TIGAR: variants seen among roughly 807,000 people sequenced by gnomAD.
TIGAR encodes the protein TP53 induced glycolysis regulatory phosphatase, also known as fructose-2,6-bisphosphatase TIGAR.
In TIGAR, 7 loss-of-function variants were observed where a neutral mutation model predicts 17.9. That is an observed-to-expected ratio of 0.39 (90% confidence interval 0.22 to 0.73). The LOEUF (loss-of-function observed/expected upper bound fraction) is 0.73. Among genes scored for constraint, TIGAR ranks in the 30% least tolerant of loss-of-function variants. The pLI, the probability that TIGAR is intolerant of heterozygous loss-of-function variation, is 0.42. For synonymous variants in TIGAR, 94 were observed against 108.6 expected (o/e 0.87, Z 0.84); for missense variants, 258 against 327.4 (o/e 0.79, Z 1.64).
chr12:4,350,776 C>CAA (rs745374518), intron 4 of TIGAR, among the ~76,000 whole-genome samples: 1,027 of 89,222 alleles, frequency 0.012, 10 homozygotes, highest in African/African-American at 0.038. Flanking sequence ...GATTCCGTCT[C>CAA]AAAAAAAAAA....
At chr12:4,330,460 G>T (rs1864592114) in intron 1 of TIGAR, among the ~76,000 whole-genome samples, 1 of 152,180 alleles carries the variant, frequency 6.6e-6, no homozygotes, top group African/African-American at 2.4e-5. Flanking sequence ...CTAGTGGTAG[G>T]TTGGGTCAGC....
Position 4,340,092 on chromosome 12 carries a change from A to G in TIGAR, c.192+2932A>G, listed in dbSNP as rs1056257655. Reference sequence around the variant, plus strand: ...GAGCAATCAGACAAGAGAAAGGAATAACATTTAAATCGGAAAGGAAGAAAT... The same window carrying G: ...GAGCAATCAGACAAGAGAAAGGAATGACATTTAAATCGGAAAGGAAGAAAT... On this transcript the variant is annotated intron_variant, in intron 3 of 5. Transcript: ENST00000179259. 2.0e-5 allele frequency among the ~76,000 whole-genome samples: 3 copies of G among 149,930 alleles called. No individual in the cohort carries two copies. In the South Asian group the frequency reaches 6.2e-4, roughly 31 times the overall value.
At chr12:4,327,741 C>T (rs1394100473) in intron 1 of TIGAR, among the ~76,000 whole-genome samples, 2 of 152,188 alleles carry the variant, frequency 1.3e-5, no homozygotes, top group Non-Finnish European at 2.9e-5. Context: ...AATCTCGGCT[C>T]ACTGCAGCCT....
At chr12:4,347,459 G>T (rs1864793386) in intron 3 of TIGAR, among the ~76,000 whole-genome samples, 1 of 152,124 alleles carries the variant, frequency 6.6e-6, no homozygotes, top group African/African-American at 2.4e-5. Flanking sequence ...CAAAAAGAAA[G>T]AATGAATAAG....
chr12:4,324,449 T>C, intron 1 of TIGAR: 2 of 1,553,804 alleles, frequency 1.3e-6, no homozygotes, highest in Non-Finnish European at 1.8e-6. Flanking sequence ...TTATAGGTGA[T>C]GGAGAACTCG....
chr12:4,324,856 C>A, intron 1 of TIGAR: 1 of 470,394 alleles, frequency 2.1e-6, no homozygotes, highest in Non-Finnish European at 3.8e-6. Context: ...TTAGGCAGCT[C>A]GTAAAGCTTT....
chr12:4,333,405 C>G (rs539860587), intron 2 of TIGAR, among the ~76,000 whole-genome samples: 26 of 151,432 alleles, frequency 1.7e-4, no homozygotes, highest in African/African-American at 5.1e-4. Flanking sequence ...TTCTCCTGCC[C>G]GAGACTCCCG....
chr12:4,344,743 A>G (rs1021219729), intron 3 of TIGAR, among the ~76,000 whole-genome samples: 19 of 152,214 alleles, frequency 1.2e-4, no homozygotes, highest in Non-Finnish European at 1.9e-4. Flanking sequence ...CCTATTCAAC[A>G]TAGTGTTGGA....
At chr12:4,322,177 A>T (rs1447275460) in intron 1 of TIGAR, among the ~76,000 whole-genome samples, 4 of 152,116 alleles carry the variant, frequency 2.6e-5, no homozygotes, top group Non-Finnish European at 5.9e-5. Context: ...TTGTATTTTT[A>T]GTAGAGACAG....
At chr12:4,339,611 A>G (rs1864698290) in intron 3 of TIGAR, among the ~76,000 whole-genome samples, 1 of 152,230 alleles carries the variant, frequency 6.6e-6, no homozygotes, top group East Asian at 1.9e-4. Context: ...ACTACAGGCC[A>G]GTATTCCTGA....
At chr12:4,331,425 G>A in intron 2 of TIGAR, 108 bp downstream of exon 2, 2 of 988,394 alleles carry the variant, frequency 2.0e-6, no homozygotes, top group East Asian at 2.4e-5. Context: ...ACTCCATTGT[G>A]AATTGGGATT....
intron 3 of TIGAR, among the ~76,000 whole-genome samples, chr12:4,343,380 C>G (rs935398564): frequency 3.3e-5 from 5 of 152,220 alleles, no homozygotes; most frequent in South Asian, 2.1e-4. Context: ...GCACCAAGCA[C>G]ACCTAATAGA....
intron 1 of TIGAR, among the ~76,000 whole-genome samples, chr12:4,326,422 T>TA (rs1864546741): frequency 6.6e-6 from 1 of 152,248 alleles, no homozygotes; most frequent in African/African-American, 2.4e-5. Flanking sequence ...ATAAAGCTGA[T>TA]AAAAGCTGTA....
chr12:4,335,494 C>G (rs1173900652), intron 2 of TIGAR: 1 of 152,154 alleles, frequency 6.6e-6, no homozygotes, highest in African/African-American at 2.4e-5. Context: ...GGGTGCAGCC[C>G]TCATGAATGG....
At chr12:4,343,195 A>T (rs1361508741) in intron 3 of TIGAR, among the ~76,000 whole-genome samples, 1 of 152,252 alleles carries the variant, frequency 6.6e-6, no homozygotes, top group Non-Finnish European at 1.5e-5. Flanking sequence ...TATCTTAAAT[A>T]TATATGCACC....
At chr12:4,327,735 T>C (rs1054494711) in intron 1 of TIGAR, among the ~76,000 whole-genome samples, 7 of 152,204 alleles carry the variant, frequency 4.6e-5, no homozygotes, top group Non-Finnish European at 1.0e-4. Flanking sequence ...GGGCGCAATC[T>C]CGGCTCACTG....
intron 2 of TIGAR, among the ~76,000 whole-genome samples, chr12:4,332,844 A>T (rs1419633159): frequency 6.6e-6 from 1 of 152,236 alleles, no homozygotes; most frequent in African/African-American, 2.4e-5. Context: ...TTCAAATCTT[A>T]CACACTTTAT....
chr12:4,357,048 A>G lies in TIGAR; in HGVS notation c.*4357A>G, dbSNP rs544640893. Among the ~76,000 whole-genome samples, 3 of 152,302 alleles carry G rather than the reference A, an allele frequency of 2.0e-5. No homozygotes were observed. The highest frequency in any genetic ancestry group is 3.9e-4 in the East Asian group (2 of 5,190). On this transcript the variant is annotated 3_prime_UTR_variant, in exon 6 of 6. Transcript: ENST00000179259. ...CTTTATTCTAATTTCTTTAAATGCT[A>G]TGTCATACTCAGCAAGGACATGCTC... is the stretch of plus-strand genomic sequence containing the variant.
At chr12:4,338,975 C>A (rs1302139137) in intron 3 of TIGAR, among the ~76,000 whole-genome samples, 112 of 38,100 alleles carry the variant, frequency 2.9e-3, no homozygotes, top group South Asian at 0.012. Flanking sequence ...AACTTTGTCT[C>A]ACAAAAAAAA....
Sources: allele counts gnomAD v4.1 joint callset (sites outside exome capture counted in the v4.1 genomes callset), GRCh38; gene constraint gnomAD v4.1.1; transcripts MANE v1.5; gene names NCBI Gene and HGNC (gene_info 2026-07-23, HGNC 2026-07-21).